LEFTY2: variants seen among roughly 807,000 people sequenced by gnomAD.
The protein encoded by LEFTY2 is TGF-beta-4.
A neutral mutation model predicts 26.4 loss-of-function variants in LEFTY2; 10 were observed. That is an observed-to-expected ratio of 0.38 (90% CI 0.23 to 0.64). The LOEUF is 0.64. LEFTY2 is among the 30% of genes least tolerant of loss of function. The pLI, the probability that LEFTY2 is intolerant of heterozygous loss-of-function variation, is 0.56. For synonymous variants in LEFTY2, 204 were observed against 234.1 expected (o/e 0.87, Z 1.17); for missense variants, 407 against 502.1 (o/e 0.81, Z 1.81).
At position 225,937,190 on chromosome 1, in the gene LEFTY2, A is replaced by G; in HGVS notation, c.*251T>C. 3.3e-6 allele frequency: 2 copies of G among 603,332 alleles called. No homozygotes were observed. The highest frequency in any genetic ancestry group is 4.0e-5 in the South Asian group (2 of 50,130). 37.4% of individuals were successfully genotyped at this position (603,332 alleles called of 1,614,324 possible). A position where few individuals can be genotyped will look rare whatever the true frequency, so the allele number is the denominator to read the frequency against. On this transcript the variant is annotated 3_prime_UTR_variant, in exon 4 of 4. Coordinates refer to ENST00000366820, the MANE Select transcript of LEFTY2 (RefSeq NM_003240.5). ...CCAGCTGAAAATGTGTGCATTGCTCAGCTGTATCTTGTAATCAGCATGCCA... is the reference window on the plus strand; with the variant it reads ...CCAGCTGAAAATGTGTGCATTGCTCGGCTGTATCTTGTAATCAGCATGCCA...
At position 225,940,898 on chromosome 1, in the gene LEFTY2, G is replaced by C. The variant is rs776905640; in HGVS notation, c.243C>G (p.Ser81Arg). 6.2e-7 allele frequency: 1 copy of C among 1,613,506 alleles called. No homozygotes were observed. The highest frequency in any genetic ancestry group is 2.2e-5 in the East Asian group (1 of 44,854). ...DRSRGKRFSQ[S>R]FREVAGRFLA... ...AGGGAGGGAGGGTCTCACCTCGGAA[G>C]CTCTGGCTGAACCTCTTTCCGCGGG... Residue 81 changes from serine (S) to arginine (R), a missense_variant, in exon 1 of 4, where the codon AGC becomes AGG. By Grantham distance (110) the Ser-to-Arg change is moderately radical. Transcript: ENST00000366820.
In LEFTY2 at chr1:225,941,185, A is replaced by G. The variant is rs1326432310; in HGVS notation, c.-45T>C. 3.4e-6 allele frequency: 5 copies of G among 1,459,282 alleles called. No individual in the cohort carries two copies. The highest frequency in any genetic ancestry group is 4.5e-6 in the Non-Finnish European group (5 of 1,107,210). 90.4% of individuals were successfully genotyped at this position (1,459,282 alleles called of 1,614,324 possible). ...AGGAGGCAGAGTGGGGCTGTCCTCT[A>G]GGGAGGTTGAAGGAGGGTCTCAGGC... On this transcript the variant is annotated 5_prime_UTR_variant, in exon 1 of 4. Coordinates refer to ENST00000366820, the MANE Select transcript of LEFTY2 (RefSeq NM_003240.5).
chr1:225,940,744 TC>T, intron 1 of LEFTY2, 146 bp downstream of exon 1: 5 of 1,257,284 alleles, frequency 4.0e-6, no homozygotes, highest in Non-Finnish European at 4.4e-6. Context: ...CAGGCCCGGC[TC>T]CTCCTCACTG....
intron 1 of LEFTY2, 72 bp downstream of exon 1, chr1:225,940,819 C>T (rs1672303655): frequency 6.2e-7 from 1 of 1,606,982 alleles, no homozygotes; most frequent in Admixed American, 1.7e-5. Context: ...GGCCCTTCGA[C>T]ACCTCCAGAG....
chr1:225,939,458 C>T lies in LEFTY2; in HGVS notation c.640G>A (p.Gly214Ser). The T allele has an allele frequency of 1.2e-6, 2 of 1,610,300 alleles. No homozygotes were observed. The highest frequency in any genetic ancestry group is 1.7e-6 in the Non-Finnish European group (2 of 1,178,978). The part of the protein sequence containing the change: ...QREHLGPLAS[G>S]AHKLVRFASQ... ...GCAAAGCGGACCAGCTTGTGGGCGC[C>T]GGACGCCAGCGGGCCCAGATGCTCC... Residue 214 changes from glycine (G) to serine (S), a missense_variant, in exon 3 of 4, where the codon GGC (glycine) becomes AGC (serine). Coordinates refer to ENST00000366820, the MANE Select transcript of LEFTY2 (RefSeq NM_003240.5). This position sits in a 1 kb window ranked among gnomAD's most constrained non-coding sequence, Gnocchi z 4.1.
At position 225,941,214 on chromosome 1, in the gene LEFTY2, T is replaced by G; in HGVS notation, c.-74A>C. On this transcript the variant is annotated 5_prime_UTR_variant, in exon 1 of 4. Coordinates refer to ENST00000366820, the MANE Select transcript of LEFTY2 (RefSeq NM_003240.5). Reference sequence around the variant, plus strand: ...AGGTTGAAGGAGGGTCTCAGGCAGCTGGGTGTGCTGAGAGCCAGGCTGGGC... The same window carrying G: ...AGGTTGAAGGAGGGTCTCAGGCAGCGGGGTGTGCTGAGAGCCAGGCTGGGC... The G allele has an allele frequency of 8.5e-7, 1 of 1,176,416 alleles. No homozygotes were observed. Among genetic ancestry groups the G allele is most frequent in the Non-Finnish European group, 1.1e-6 (1 of 929,580 alleles). The allele number at this position is 1,176,416 out of a possible 1,614,324, so 72.9% of individuals were successfully genotyped here.
chr1:225,937,270 T>C lies in LEFTY2; in HGVS notation c.*171A>G. 2 of 1,013,338 alleles carry C rather than the reference T, an allele frequency of 2.0e-6. No individual in the cohort carries two copies. The highest frequency in any genetic ancestry group is 3.0e-6 in the Non-Finnish European group (2 of 676,804). 62.8% of individuals were successfully genotyped at this position (1,013,338 alleles called of 1,614,324 possible). A position where few individuals can be genotyped will look rare whatever the true frequency, so the allele number is the denominator to read the frequency against. The stretch of plus-strand genomic sequence containing the variant: ...CTGCATTATTTACTCACGTAAGTGC[T>C]TAGGATGGGTGATGGACGGGAAAGA... On this transcript the variant is annotated 3_prime_UTR_variant, in exon 4 of 4. Transcript: ENST00000366820.
intron 3 of LEFTY2, among the ~76,000 whole-genome samples, chr1:225,938,608 C>T (rs1672214914): frequency 6.6e-6 from 1 of 152,132 alleles, no homozygotes; most frequent in Non-Finnish European, 1.5e-5. Flanking sequence ...CTGGCCTCCA[C>T]TCCCAAAGTG....
rs766266655 is a variant in LEFTY2 at position 225,939,845 on chromosome 1, C to G, written c.408G>C (p.Leu136=). Residue 136 remains leucine, a synonymous_variant, in exon 2 of 4, where the codon CTG becomes CTC. Coordinates refer to ENST00000366820, the MANE Select transcript of LEFTY2 (RefSeq NM_003240.5). This position sits in a 1 kb window ranked among gnomAD's most constrained non-coding sequence, Gnocchi z 4.1. ...CCCGGGCCTGGGCGCTGCGCGGGGA[C>G]AGCCGCCCGTGCCTGTGCAGCGCGG... ...PKAALHRHGR[L]SPRSAQARVT... 1.9e-6 allele frequency: 3 copies of G among 1,544,828 alleles called. No homozygotes were observed. Among genetic ancestry groups the G allele is most frequent in the South Asian group, 1.2e-5 (1 of 85,156 alleles).
intron 3 of LEFTY2, among the ~76,000 whole-genome samples, chr1:225,938,510 C>T (rs1191945554): frequency 1.3e-5 from 2 of 152,068 alleles, no homozygotes; most frequent in African/African-American, 2.4e-5. Flanking sequence ...CCCGCCACCA[C>T]GCCCAGCTAA....
rs184091696 is a variant in LEFTY2, at chr1:225,938,152, A to G, written c.738-348T>C. 3.7e-3 allele frequency among the ~76,000 whole-genome samples: 571 copies of G among 152,294 alleles called. 27 individuals carry two copies. In the East Asian group the frequency reaches 0.087, roughly 23 times the overall value. On this transcript the variant is annotated intron_variant, in intron 3 of 3. Transcript: ENST00000366820. ...TGTTCGGTGATGGGCCAGAGGACCT[A>G]CAGCCAGTGGAAGGCAGAGCTAGAT...
rs1435852836 is a variant in LEFTY2, at chr1:225,939,270, G to T, written c.737+91C>A. 7 of 1,581,086 alleles carry T rather than the reference G, an allele frequency of 4.4e-6. No individual in the cohort carries two copies. Among genetic ancestry groups the T allele is most frequent in the Non-Finnish European group, 5.2e-6 (6 of 1,163,834 alleles). On this transcript the variant is annotated intron_variant, in intron 3 of 3. Transcript: ENST00000366820. The surrounding 1 kb of genome is among the most constrained non-coding windows in gnomAD (Gnocchi z 4.1). The stretch of plus-strand genomic sequence containing the variant: ...GCGCTCTCCCTACCCCTAGCCCACC[G>T]CCACCATCCGGTCCCCCAGACAGTC...
rs758482003 is a variant in LEFTY2 at position 225,939,549 on chromosome 1, G to C, written c.549C>G (p.Ala183=). The change falls in exon 3 of 4, where the codon GCC becomes GCG. Residue 183 remains alanine (A), a synonymous_variant. Transcript: ENST00000366820. The surrounding 1 kb of genome is among the most constrained non-coding windows in gnomAD (Gnocchi z 4.1). ...SGWKAFDVTE[A]VNFWQQLSRP... Reference sequence around the variant, plus strand: ...GGCTCAGCTGCTGCCAGAAGTTCACGGCCTCGGTCACGTCGAAGGCCTTCC... The same window carrying C: ...GGCTCAGCTGCTGCCAGAAGTTCACCGCCTCGGTCACGTCGAAGGCCTTCC... The C allele has an allele frequency of 9.3e-6, 15 of 1,612,026 alleles. No individual in the cohort carries two copies. The South Asian group carries it at 1.6e-4, about 18-fold the overall frequency.
At position 225,937,352 on chromosome 1, in the gene LEFTY2, G is replaced by A. The variant is rs1354958565; in HGVS notation, c.*89C>T. ...CACAGGAGCACTAAATTGGGATGGA[G>A]TAACTTGCTAAGTATAAAGTTAAGA... is the stretch of plus-strand genomic sequence containing the variant. On this transcript the variant is annotated 3_prime_UTR_variant, in exon 4 of 4. Coordinates refer to ENST00000366820, the MANE Select transcript of LEFTY2 (RefSeq NM_003240.5). 7.5e-6 allele frequency: 12 copies of A among 1,596,298 alleles called. No individual in the cohort carries two copies. In the Admixed American group the frequency reaches 1.2e-4, roughly 16 times the overall value.
At position 225,940,470 on chromosome 1, in the gene LEFTY2, T is replaced by A. The variant is rs373445281; in HGVS notation, c.250+421A>T. On this transcript the variant is annotated intron_variant, in intron 1 of 3. Coordinates refer to ENST00000366820, the MANE Select transcript of LEFTY2 (RefSeq NM_003240.5). ...TGGCGAAGACATAGTCATACCCCTG[T>A]TCCAGATGAGCACATGGTGGAGAGA... Among the ~76,000 whole-genome samples, 4 of 152,362 alleles carry A rather than the reference T, an allele frequency of 2.6e-5. No homozygotes were observed. In the East Asian group the frequency reaches 7.7e-4, roughly 29 times the overall value.
Position 225,941,056 on chromosome 1 carries a change from C to T in LEFTY2, c.85G>A (p.Gly29Ser). 1.2e-6 allele frequency: 2 copies of T among 1,610,580 alleles called. No homozygotes were observed. The highest frequency in any genetic ancestry group is 1.7e-6 in the Non-Finnish European group (2 of 1,178,702). ...AGCTGCAGCTGCCGCAGCAGGCTGCCCAGGAGCTGCTCCTCGGTCAGGGCC... is the reference window on the plus strand; with the variant it reads ...AGCTGCAGCTGCCGCAGCAGGCTGCTCAGGAGCTGCTCCTCGGTCAGGGCC... ...GAALTEEQLL[G>S]SLLRQLQLSE... is the part of the protein sequence containing the mutation. Residue 29 changes from glycine to serine, a missense_variant, in exon 1 of 4, where the codon GGC becomes AGC. Physicochemically the swap from Gly to Ser is moderately conservative, Grantham distance 56. Transcript: ENST00000366820.
rs956081001 is a variant in LEFTY2, at chr1:225,939,243, C to T, written c.737+118G>A. 4 of 1,488,336 alleles carry T rather than the reference C, an allele frequency of 2.7e-6. No homozygotes were observed. In the African/African-American group the frequency reaches 4.2e-5, roughly 16 times the overall value. 92.2% of individuals were successfully genotyped at this position (1,488,336 alleles called of 1,614,324 possible). A position where few individuals can be genotyped will look rare whatever the true frequency, so the allele number is the denominator to read the frequency against. The stretch of plus-strand genomic sequence containing the variant: ...CGCTGGCATCCTGGGACAGTCTGCA[C>T]CGCGCTCTCCCTACCCCTAGCCCAC... On this transcript the variant is annotated intron_variant, in intron 3 of 3. Coordinates refer to ENST00000366820, the MANE Select transcript of LEFTY2 (RefSeq NM_003240.5). This position sits in a 1 kb window ranked among gnomAD's most constrained non-coding sequence, Gnocchi z 4.1.
Position 225,939,619 on chromosome 1 carries a change from G to C in LEFTY2, c.498-19C>G, listed in dbSNP as rs752934263. On this transcript the variant is annotated intron_variant, in intron 2 of 3. Transcript: ENST00000366820. This position sits in a 1 kb window ranked among gnomAD's most constrained non-coding sequence, Gnocchi z 4.1. The stretch of plus-strand genomic sequence containing the variant: ...CACCAGCCTGAGACATGATACACAC[G>C]ACACGGAGACCCAGCGCCGCTTGAG... 6.2e-7 allele frequency: 1 copy of C among 1,612,394 alleles called. No homozygotes were observed. The highest frequency in any genetic ancestry group is 8.5e-7 in the Non-Finnish European group (1 of 1,179,760).
intron 3 of LEFTY2, among the ~76,000 whole-genome samples, chr1:225,938,236 A>G (rs1672206698): frequency 6.6e-6 from 1 of 152,216 alleles, no homozygotes; most frequent in South Asian, 2.1e-4. Context: ...CACAGCCCCC[A>G]TCTGCTCCAG....
Sources: gnomAD v4.1 joint callset for allele counts (sites outside exome capture counted in the v4.1 genomes callset) on GRCh38, gnomAD v4.1.1 for gene constraint, Gnocchi (gnomAD v3.1) non-coding constraint, MANE v1.5 for transcripts, NCBI Gene and HGNC (gene_info 2026-07-23, HGNC 2026-07-21) for gene names.